The following ZNF208 variants were observed in gnomAD, a reference collection of about 807,000 sequenced individuals.
The protein encoded by ZNF208 is zinc finger protein 95.
A neutral mutation model predicts 12.1 loss-of-function variants in ZNF208; 10 were observed. The observed-to-expected ratio is 0.83, with a 90% confidence interval of 0.51 to 1.40. The LOEUF (loss-of-function observed/expected upper bound fraction) is 1.40. Ranked by LOEUF, ZNF208 falls within the 40% of genes most tolerant of loss-of-function variation. ZNF208 has a pLI of 0.00. For synonymous variants in ZNF208, 497 were observed against 488.4 expected, an observed-to-expected ratio of 1.02 and a Z score of -0.23; for missense variants, 1,652 against 1,485.0, an observed-to-expected ratio of 1.11 and a Z score of -1.85.
intron 4 of ZNF208, among the ~76,000 whole-genome samples, chr19:21,960,596 G>A (rs1165578045): frequency 2.0e-5 from 3 of 152,160 alleles, no homozygotes; most frequent in African/African-American, 7.2e-5. Flanking sequence ...GATGTGTGCT[G>A]AAGTTTGAGC....
intron 4 of ZNF208, among the ~76,000 whole-genome samples, chr19:21,953,334 G>C (rs367639034): frequency 2.6e-5 from 4 of 152,044 alleles, no homozygotes; most frequent in Non-Finnish European, 5.9e-5. Flanking sequence ...GATATTCCTC[G>C]AGAAGAGCAA....
chr19:21,960,460 C>G (rs1599605894), intron 4 of ZNF208, among the ~76,000 whole-genome samples: 1 of 152,212 alleles, frequency 6.6e-6, no homozygotes, highest in East Asian at 1.9e-4. Context: ...AAGTGTACAT[C>G]AACAGGTACA....
intron 1 of ZNF208, among the ~76,000 whole-genome samples, chr19:21,994,208 C>G (rs552921631): frequency 3.9e-5 from 6 of 152,204 alleles, no homozygotes; most frequent in African/African-American, 1.4e-4. Flanking sequence ...TGTGAATCAA[C>G]TACTAGATCT....
At chr19:21,975,940 A>G (rs548608898) in intron 3 of ZNF208, among the ~76,000 whole-genome samples, 1 of 151,738 alleles carries the variant, frequency 6.6e-6, no homozygotes, top group South Asian at 2.1e-4. Context: ...ATTCTTAAGA[A>G]GTATATTAGC....
intron 1 of ZNF208, among the ~76,000 whole-genome samples, chr19:22,000,875 C>G (rs984573074): frequency 1.2e-4 from 18 of 151,874 alleles, no homozygotes; most frequent in African/African-American, 4.4e-4. Context: ...TAGCACTGAC[C>G]CCACAAAAAT....
At chr19:22,003,886 T>C (rs908316943) in intron 1 of ZNF208, among the ~76,000 whole-genome samples, 1 of 152,024 alleles carries the variant, frequency 6.6e-6, no homozygotes, top group Non-Finnish European at 1.5e-5. Context: ...GAAAATATAG[T>C]ATGGTTGGGC....
At chr19:21,953,728 A>C (rs1242223740) in intron 4 of ZNF208, among the ~76,000 whole-genome samples, 1 of 152,210 alleles carries the variant, frequency 6.6e-6, no homozygotes, top group East Asian at 1.9e-4. Context: ...AAGACCATTG[A>C]TGCTAGGAAG....
chr19:21,958,879 G>T (rs779367469), intron 4 of ZNF208, among the ~76,000 whole-genome samples: 2 of 151,972 alleles, frequency 1.3e-5, no homozygotes, highest in Admixed American at 1.3e-4. Context: ...GCAAGGGAAG[G>T]GTCCCCAGAG....
chr19:21,972,136 A>T lies in ZNF208; in HGVS notation c.2898T>A (p.Ile966=), dbSNP rs1970301853. 4 of 1,610,608 alleles carry T rather than the reference A, an allele frequency of 2.5e-6. No homozygotes were observed. In the African/African-American group the frequency reaches 4.0e-5, roughly 16 times the overall value. ...SSSTLSYHKK[I]HTEEKPYKYE... ...ATTTGTAAGGTTTCTCTTCAGTATG[A>T]ATTTTCTTATGATAACTAAGGGTTG... The change falls in exon 4 of 4, where the codon ATT becomes ATA. Residue 966 remains isoleucine, a synonymous_variant. Transcript: ENST00000397126.
At chr19:21,953,308 C>T (rs568275047) in intron 4 of ZNF208, among the ~76,000 whole-genome samples, 6 of 152,248 alleles carry the variant, frequency 3.9e-5, no homozygotes, top group Admixed American at 3.9e-4. Context: ...TCAGGAAATA[C>T]AGAGAATCCC....
At chr19:21,951,039 TAAA>T (rs1176869581) in intron 4 of ZNF208, among the ~76,000 whole-genome samples, 3 of 152,178 alleles carry the variant, frequency 2.0e-5, no homozygotes, top group Non-Finnish European at 4.4e-5. Context: ...ATTTAAGAAA[TAAA>T]AACATTCTTG....
At position 21,971,978 on chromosome 19, in the gene ZNF208, T is replaced by C. The variant is rs569764904; in HGVS notation, c.3056A>G (p.His1019Arg). ...TGTCTCTCCAGTGTGAATTTTCTTA[T>C]GTTCCATAAGGTTTGATGACCAGTT... ...AFNWSSNLME[H>R]KKIHTGETPY... is the part of the protein sequence containing the mutation. Residue 1019 changes from histidine to arginine, a missense_variant, in exon 4 of 4, where the codon CAT becomes CGT. By Grantham distance (29) the His-to-Arg change is conservative. Transcript: ENST00000397126. The C allele has an allele frequency of 1.2e-5, 19 of 1,613,062 alleles. No homozygotes were observed. Among genetic ancestry groups the C allele is most frequent in the Non-Finnish European group, 1.4e-5 (17 of 1,179,570 alleles).
intron 1 of ZNF208, chr19:21,997,893 C>CA (rs1444554123): frequency 6.6e-6 from 1 of 152,012 alleles, no homozygotes; most frequent in African/African-American, 2.4e-5. Flanking sequence ...CAAACAGACA[C>CA]ACAATGCATT....
chr19:21,964,978 C>A (rs1457556045), downstream of ZNF208, among the ~76,000 whole-genome samples: 1 of 151,850 alleles, frequency 6.6e-6, no homozygotes, highest in Non-Finnish European at 1.5e-5. Context: ...TATGTTACTA[C>A]AAGCCTATAA....
At chr19:21,958,242 T>C (rs1970008766) in intron 4 of ZNF208, among the ~76,000 whole-genome samples, 1 of 152,120 alleles carries the variant, frequency 6.6e-6, no homozygotes, top group East Asian at 1.9e-4. Context: ...GAACTTCTAG[T>C]CTCATTCATT....
intron 1 of ZNF208, chr19:21,998,222 T>A (rs1275078350): frequency 1.3e-5 from 2 of 149,198 alleles, no homozygotes; most frequent in Non-Finnish European, 3.0e-5. Flanking sequence ...TGGCGCGATC[T>A]CGGCTCACTG....
chr19:21,946,902 C>T (rs146927781), intron 4 of ZNF208, among the ~76,000 whole-genome samples: 124 of 152,170 alleles, frequency 8.1e-4, no homozygotes, highest in Non-Finnish European at 1.4e-3. Flanking sequence ...CAACTCCAGT[C>T]CCCAACAGCC....
chr19:22,008,784 C>A (rs1568459677), intron 1 of ZNF208, among the ~76,000 whole-genome samples: 2 of 152,026 alleles, frequency 1.3e-5, no homozygotes, highest in Non-Finnish European at 2.9e-5. Flanking sequence ...AACAGCACAC[C>A]AGAAGATGCC....
intron 1 of ZNF208, among the ~76,000 whole-genome samples, chr19:21,996,699 G>T (rs1970840935): frequency 6.6e-6 from 1 of 152,140 alleles, no homozygotes; most frequent in South Asian, 2.1e-4. Context: ...GGGAGAAGTG[G>T]ATTCTCACGT....
Sources: gnomAD v4.1 joint callset for allele counts (sites outside exome capture counted in the v4.1 genomes callset) on GRCh38, gnomAD v4.1.1 for gene constraint, MANE v1.5 for transcripts, NCBI Gene and HGNC (gene_info 2026-07-23, HGNC 2026-07-21) for gene names.